Variants in PSG5 observed in about 807,000 individuals in gnomAD.
PSG5 encodes the protein pregnancy specific beta-1-glycoprotein 5, also known as pregnancy-specific beta-1-glycoprotein 5.
In PSG5, 53 loss-of-function variants were observed where a neutral mutation model predicts 37.7. The ratio of observed to expected loss-of-function variants is 1.41; its 90% CI spans 1.13 to 1.77. The LOEUF (loss-of-function observed/expected upper bound fraction) is 1.77, where lower values mean the gene tolerates loss of function less well. Among genes scored for constraint, PSG5 ranks in the 40% most tolerant of loss-of-function variants. The pLI is 0.00. For missense variants in PSG5, 547 were observed against 405.2 expected (o/e 1.35, Z -3.00); for synonymous variants, 221 against 155.4 (o/e 1.42, Z -3.14).
rs1011451547 is a variant in PSG5 at position 43,169,348 on chromosome 19, C to T, written c.*40+707G>A. ...GGTTCACATGTTAATCCTAAAGTCT[C>T]CGTTCTCCATGAGGTCAGATGTTGC... On this transcript the variant is annotated intron_variant, in intron 5 of 5. Transcript: ENST00000342951. Among the ~76,000 whole-genome samples, 8 of 151,522 alleles carry T rather than the reference C, an allele frequency of 5.3e-5. 1 individual carries two copies. Among genetic ancestry groups the T allele is most frequent in the African/African-American group, 1.9e-4 (8 of 41,088 alleles).
chr19:43,178,741 G>C lies in PSG5; in HGVS notation c.431-2593C>G, dbSNP rs147528454. 2.5e-6 allele frequency: 4 copies of C among 1,583,232 alleles called. No homozygotes were observed. In the Admixed American group the frequency reaches 5.1e-5, roughly 20 times the overall value. On this transcript the variant is annotated intron_variant, in intron 2 of 5. Transcript: ENST00000342951. ...CTAGGCCTACTCTGTTTTGCCTGGGGCAGAAAGTCATGGCCAGCTTTGATG... is the reference window on the plus strand; with the variant it reads ...CTAGGCCTACTCTGTTTTGCCTGGGCCAGAAAGTCATGGCCAGCTTTGATG...
intron 5 of PSG5, 24 bp downstream of exon 5, chr19:43,170,031 G>C: frequency 1.4e-6 from 2 of 1,408,402 alleles, no homozygotes; most frequent in East Asian, 4.9e-5. Flanking sequence ...GCAGGAACCA[G>C]GATAAGAGAA....
At chr19:43,175,100 T>A in intron 4 of PSG5, 115 bp downstream of exon 4, 1 of 1,594,860 alleles carries the variant, frequency 6.3e-7, no homozygotes, top group Non-Finnish European at 8.5e-7. Context: ...AATTTGGGAT[T>A]TGCTTGTGCC....
chr19:43,181,490 T>G lies in PSG5; in HGVS notation c.430+3292A>C, dbSNP rs948843208. On this transcript the variant is annotated intron_variant, in intron 2 of 5. Coordinates refer to ENST00000342951, the MANE Select transcript of PSG5 (RefSeq NM_002781.4). ...ATTTTTTTTTCTGAGACAGAGTCTC[T>G]CTCTTTCACCCAGGCTGGAGTGCAG... Among the ~76,000 whole-genome samples the G allele has an allele frequency of 6.6e-5, 10 of 151,492 alleles. 1 individual carries two copies. Among genetic ancestry groups the G allele is most frequent in the African/African-American group, 1.7e-4 (7 of 41,092 alleles).
intron 4 of PSG5, among the ~76,000 whole-genome samples, chr19:43,171,983 C>CAAAAAAAAAAAAA (rs60198220): frequency 4.8e-5 from 5 of 105,140 alleles, no homozygotes; most frequent in African/African-American, 1.8e-4. Context: ...TCCCTCTCTT[C>CAAAAAAAAAAAAA]AAAAAAAAAA....
At chr19:43,186,241 G>A in intron 1 of PSG5, 101 bp downstream of exon 1, 2 of 1,572,584 alleles carry the variant, frequency 1.3e-6, no homozygotes, top group East Asian at 4.5e-5. Flanking sequence ...CTCCCAAAGT[G>A]CTGGCTTCTT....
chr19:43,181,046 G>A (rs550564090), intron 2 of PSG5, among the ~76,000 whole-genome samples: 1 of 151,734 alleles, frequency 6.6e-6, no homozygotes, highest in Non-Finnish European at 1.5e-5. Flanking sequence ...GTGTGAATTA[G>A]GAAGAATCTA....
In PSG5 at chr19:43,168,195, AG is replaced by A. The variant is rs1413546723; in HGVS notation, c.*48del. The A allele has an allele frequency of 7.4e-6, 3 of 407,664 alleles. No homozygotes were observed. Among genetic ancestry groups the A allele is most frequent in the Non-Finnish European group, 1.4e-5 (3 of 221,752 alleles). 25.3% of individuals were successfully genotyped at this position (407,664 alleles called of 1,614,324 possible). On this transcript the variant is annotated 3_prime_UTR_variant, in exon 6 of 6. Transcript: ENST00000342951. ...TGTAAGTAGTTTGAGGAAGAATCAA[AG>A]CAACTGTCTGGGAAAGACAAAGATT...
chr19:43,179,013 C>A (rs1222865107), intron 2 of PSG5: 4 of 1,612,746 alleles, frequency 2.5e-6, no homozygotes, highest in Non-Finnish European at 3.4e-6. Flanking sequence ...CAGCTGCAAC[C>A]TGTGAGTCAT....
At chr19:43,183,152 T>G (rs1046386774) in intron 2 of PSG5, 1 of 253,936 alleles carries the variant, frequency 3.9e-6, no homozygotes, top group Non-Finnish European at 7.8e-6. Flanking sequence ...AGACACTGAC[T>G]TCAGAGACCC....
chr19:43,184,703 C>T (rs1969204696), intron 2 of PSG5, 79 bp downstream of exon 2: 15 of 1,600,524 alleles, frequency 9.4e-6, no homozygotes, highest in East Asian at 4.5e-5. Context: ...AGGCACAGTG[C>T]AGGCCTGACA....
In PSG5 at chr19:43,186,446, T is replaced by C. The variant is rs1025273697; in HGVS notation, c.-41A>G. The C allele has an allele frequency of 1.2e-6, 2 of 1,610,004 alleles. No individual in the cohort carries two copies. Among genetic ancestry groups the C allele is most frequent in the Non-Finnish European group, 1.7e-6 (2 of 1,177,664 alleles). On this transcript the variant is annotated 5_prime_UTR_variant, in exon 1 of 6. Transcript: ENST00000342951. ...GTGTTCTCCTCTGTGGAGCTGAGCC[T>C]AGGATCCAGAAACTTCCTGAGCACG... is the stretch of plus-strand genomic sequence containing the variant.
intron 1 of PSG5, 66 bp downstream of exon 1, chr19:43,186,276 C>G: frequency 6.2e-7 from 1 of 1,607,696 alleles, no homozygotes; most frequent in Non-Finnish European, 8.5e-7. Flanking sequence ...CCCATCCTCT[C>G]CAGGAGACCC....
chr19:43,186,264 AC>A, intron 1 of PSG5, 77 bp downstream of exon 1: 1 of 1,600,516 alleles, frequency 6.2e-7, no homozygotes, highest in Non-Finnish European at 8.5e-7. Flanking sequence ...ATTTTTTAGA[AC>A]CCCATCCTCT....
intron 2 of PSG5, among the ~76,000 whole-genome samples, chr19:43,182,782 C>T (rs2122236881): frequency 7.0e-6 from 1 of 142,308 alleles, no homozygotes; most frequent in South Asian, 2.3e-4. Context: ...AACTGCCTAT[C>T]CCTGTCCCAT....
intron 4 of PSG5, among the ~76,000 whole-genome samples, chr19:43,172,038 T>C (rs1211126335): frequency 2.7e-5 from 4 of 149,658 alleles, no homozygotes; most frequent in Admixed American, 6.7e-5. Flanking sequence ...TACTACCAAT[T>C]CTAATAAAAT....
At chr19:43,173,187 C>G (rs575425242) in intron 4 of PSG5, among the ~76,000 whole-genome samples, 2 of 151,580 alleles carry the variant, frequency 1.3e-5, no homozygotes, top group African/African-American at 4.9e-5. Flanking sequence ...GAGAGTGGAA[C>G]CTTTACCTAA....
intron 2 of PSG5, among the ~76,000 whole-genome samples, chr19:43,176,652 T>C (rs1476471005): frequency 6.6e-6 from 1 of 151,130 alleles, no homozygotes; most frequent in Non-Finnish European, 1.5e-5. Flanking sequence ...GGCCTGGGAC[T>C]GGATGTTTCA....
Position 43,175,427 on chromosome 19 carries a change from T to C in PSG5, c.752A>G (p.Tyr251Cys), listed in dbSNP as rs746258398. ...CAAGTAGAGGTTTTCTCCTGAACGG[T>C]AATAGGTGAATGAAGGGTAAATGCT... ...LPSIYPSFTYYRSGENLYLSC... is the reference protein window; with the variant it reads ...LPSIYPSFTYCRSGENLYLSC... The change falls in exon 4 of 6, where the codon TAC (tyrosine) becomes TGC (cysteine). Residue 251 changes from tyrosine to cysteine, a missense_variant. Coordinates refer to ENST00000342951, the MANE Select transcript of PSG5 (RefSeq NM_002781.4). 1.2e-6 allele frequency: 2 copies of C among 1,612,530 alleles called. No homozygotes were observed. The highest frequency in any genetic ancestry group is 8.5e-7 in the Non-Finnish European group (1 of 1,179,098).
Sources: allele counts gnomAD v4.1 joint callset (sites outside exome capture counted in the v4.1 genomes callset), GRCh38; gene constraint gnomAD v4.1.1; transcripts MANE v1.5; gene names NCBI Gene and HGNC (gene_info 2026-07-23, HGNC 2026-07-21).